The following PON2 variants were observed in gnomAD, a reference collection of about 807,000 sequenced individuals.
PON2 encodes the protein paraoxonase 2.
Under a neutral mutation model 36.6 loss-of-function variants are expected in PON2, and 27 were observed. The observed-to-expected ratio is 0.74, with a 90% CI of 0.54 to 1.02. The LOEUF (loss-of-function observed/expected upper bound fraction) is 1.02, where lower values mean the gene tolerates loss of function less well. Ranked by LOEUF, PON2 falls within the 50% of genes least tolerant of loss-of-function variation. The pLI, the probability that PON2 is intolerant of heterozygous loss-of-function variation, is 0.00. For missense variants in PON2, 363 were observed against 421.1 expected, an observed-to-expected ratio of 0.86 and a Z score of 1.21; for synonymous variants, 149 against 156.3, an observed-to-expected ratio of 0.95 and a Z score of 0.35.
In PON2 at chr7:95,411,671, T is replaced by C; in HGVS notation, c.476A>G (p.Lys159Arg). 1.2e-6 allele frequency: 2 copies of C among 1,614,050 alleles called. No homozygotes were observed. The highest frequency in any genetic ancestry group is 1.7e-6 in the Non-Finnish European group (2 of 1,179,952). ...ENSLLHLKTV[K>R]HELLPSVNDI... ...GAAGTACCTTGGAAGAAGCTCATGT[T>C]TGACTGTTTTCAGATGCAACAGAGA... is the stretch of plus-strand genomic sequence containing the variant. Residue 159 changes from lysine (K) to arginine (R), a missense_variant, in exon 5 of 9, where the codon AAA (lysine) becomes AGA (arginine). By Grantham distance (26) the Lys-to-Arg change is conservative. Coordinates refer to ENST00000222572, the MANE Select transcript of PON2 (RefSeq NM_000305.3).
At chr7:95,407,995 T>C (rs562645792) in intron 6 of PON2, among the ~76,000 whole-genome samples, 7 of 152,212 alleles carry the variant, frequency 4.6e-5, no homozygotes, top group African/African-American at 7.2e-5. Flanking sequence ...GTCTAAAGCA[T>C]AGAAAGCATG....
intron 5 of PON2, 67 bp downstream of exon 5, chr7:95,411,586 A>T (rs1296896947): frequency 6.9e-6 from 11 of 1,589,608 alleles, no homozygotes; most frequent in Non-Finnish European, 9.5e-6. Context: ...ATGACAGGAC[A>T]ACCCACCATA....
At chr7:95,430,298 T>G (rs1789407022) in intron 1 of PON2, among the ~76,000 whole-genome samples, 1 of 150,932 alleles carries the variant, frequency 6.6e-6, no homozygotes, top group Non-Finnish European at 1.5e-5. Flanking sequence ...GACCCCCATC[T>G]CTACAAAAAA....
At chr7:95,430,542 A>G (rs1025207447) in intron 1 of PON2, among the ~76,000 whole-genome samples, 1 of 150,722 alleles carries the variant, frequency 6.6e-6, no homozygotes, top group Non-Finnish European at 1.5e-5. Context: ...TCAGGTATCC[A>G]CCCGCCTCAG....
chr7:95,428,601 G>C (rs1789367726), intron 1 of PON2, among the ~76,000 whole-genome samples: 1 of 152,106 alleles, frequency 6.6e-6, no homozygotes, highest in Non-Finnish European at 1.5e-5. Flanking sequence ...CAAAATATCT[G>C]CTGTTAGACA....
At chr7:95,429,207 C>T (rs1374668655) in intron 1 of PON2, among the ~76,000 whole-genome samples, 6 of 150,278 alleles carry the variant, frequency 4.0e-5, no homozygotes, top group East Asian at 2.0e-4. Context: ...CAAGAGGCCC[C>T]GGTGTGTGAT....
chr7:95,410,607 C>T (rs1313804430), intron 5 of PON2, among the ~76,000 whole-genome samples: 1 of 152,086 alleles, frequency 6.6e-6, no homozygotes, highest in African/African-American at 2.4e-5. Context: ...AGCTGACATG[C>T]CGAGAATGAA....
intron 2 of PON2, among the ~76,000 whole-genome samples, chr7:95,421,924 G>T (rs2116490058): frequency 6.6e-6 from 1 of 152,332 alleles, no homozygotes; most frequent in African/African-American, 2.4e-5. Flanking sequence ...TGTCTGGAGT[G>T]AATGTGGTTA....
chr7:95,407,163 G>A (rs1368860265), intron 6 of PON2, 95 bp from the exon 7 acceptor site: 1 of 804,078 alleles, frequency 1.2e-6, no homozygotes, highest in Non-Finnish European at 2.1e-6. Flanking sequence ...CTGCCAAGAA[G>A]TTAATCAATC....
At chr7:95,424,446 A>G (rs1789266194) in intron 2 of PON2, 69 bp downstream of exon 2, 1 of 1,257,232 alleles carries the variant, frequency 8.0e-7, no homozygotes, top group Non-Finnish European at 1.2e-6. Flanking sequence ...CTAAAATGCC[A>G]TTAATGAGTG....
chr7:95,424,448 TAATG>T, intron 2 of PON2, 63 bp downstream of exon 2: 1 of 1,265,560 alleles, frequency 7.9e-7, no homozygotes, highest in East Asian at 2.3e-5. Context: ...AAAATGCCAT[TAATG>T]AGTGTTTTAA....
At chr7:95,421,861 A>G (rs936359305) in intron 2 of PON2, among the ~76,000 whole-genome samples, 5 of 152,234 alleles carry the variant, frequency 3.3e-5, no homozygotes, top group Non-Finnish European at 7.3e-5. Flanking sequence ...GAAACTCTGA[A>G]GGTGGCACTG....
intron 3 of PON2, 164 bp from the exon 4 acceptor site, chr7:95,412,641 G>T: frequency 1.4e-6 from 1 of 691,666 alleles, no homozygotes; most frequent in Non-Finnish European, 2.5e-6. Flanking sequence ...AATAATAACG[G>T]GGAGGTGGAA....
intron 1 of PON2, among the ~76,000 whole-genome samples, chr7:95,430,806 TA>T (rs1282954126): frequency 2.0e-5 from 3 of 149,848 alleles, no homozygotes; most frequent in Non-Finnish European, 3.0e-5. Context: ...AAAGATAGAT[TA>T]AAAAAATAAA....
chr7:95,429,973 G>A (rs997185944), intron 1 of PON2, among the ~76,000 whole-genome samples: 6 of 152,042 alleles, frequency 3.9e-5, no homozygotes, highest in African/African-American at 4.8e-5. Context: ...TGGCTGAGGC[G>A]ACAGGTTCAG....
chr7:95,429,415 T>C (rs1789389276), intron 1 of PON2, among the ~76,000 whole-genome samples: 1 of 152,232 alleles, frequency 6.6e-6, no homozygotes, highest in South Asian at 2.1e-4. Context: ...TGCCACGTTT[T>C]CTTAATCCAG....
chr7:95,424,257 A>C lies in PON2; in HGVS notation c.145+258T>G, dbSNP rs1789261886. On this transcript the variant is annotated intron_variant, in intron 2 of 8. Transcript: ENST00000222572. ...TACAGACGCAACAAAAATAGTTCAG[A>C]GAAGTCACAAAACAAGCAAGAAATC... The C allele has an allele frequency of 5.9e-6, 3 of 507,320 alleles. No individual in the cohort carries two copies. In the South Asian group the frequency reaches 6.5e-5, roughly 11 times the overall value. The allele number at this position is 507,320 out of a possible 1,614,324, so 31.4% of individuals were successfully genotyped here.
Position 95,405,475 on chromosome 7 carries a change from T to G in PON2, c.920A>C (p.Gln307Pro), listed in dbSNP as rs780555753. 17 of 1,612,938 alleles carry G rather than the reference T, an allele frequency of 1.1e-5. No individual in the cohort carries two copies. Among genetic ancestry groups the G allele is most frequent in the Non-Finnish European group, 1.4e-5 (17 of 1,179,092 alleles). Residue 307 changes from glutamine to proline, a missense_variant, in exon 9 of 9, where the codon CAG (glutamine) becomes CCG (proline). By Grantham distance (76) the Gln-to-Pro change is moderately conservative (BLOSUM62 -1). Coordinates refer to ENST00000222572, the MANE Select transcript of PON2 (RefSeq NM_000305.3). ...TGTAGGCTTCTCAGATAGAATGTTCTGGATGCGGAGAACCTATTCAGGGGA... is the reference window on the plus strand; with the variant it reads ...TGTAGGCTTCTCAGATAGAATGTTCGGGATGCGGAGAACCTATTCAGGGGA... The part of the protein sequence containing the change: ...NPPSSEVLRI[Q>P]NILSEKPTVT...
intron 3 of PON2, among the ~76,000 whole-genome samples, chr7:95,413,322 T>A (rs1240016586): frequency 6.6e-6 from 1 of 152,086 alleles, no homozygotes; most frequent in Non-Finnish European, 1.5e-5. Context: ...TTTTGTCTTT[T>A]TCTTTTCTAT....
Sources: allele counts gnomAD v4.1 joint callset (sites outside exome capture counted in the v4.1 genomes callset), GRCh38; gene constraint gnomAD v4.1.1; transcripts MANE v1.5; gene names NCBI Gene and HGNC (gene_info 2026-07-23, HGNC 2026-07-21).